SSBP3: variants seen among roughly 807,000 people sequenced by gnomAD.
The protein encoded by SSBP3 is single-stranded DNA-binding protein 3.
A neutral mutation model predicts 69.6 loss-of-function variants in SSBP3; 5 were observed. The observed-to-expected ratio is 0.07, with a 90% CI of 0.04 to 0.15. SSBP3 has a LOEUF of 0.15. SSBP3 is among the 10% of genes least tolerant of loss of function. SSBP3 has a pLI of 1.00. For synonymous variants in SSBP3, 196 were observed against 193.4 expected (o/e 1.01, Z -0.11); for missense variants, 312 against 534.0 (o/e 0.58, Z 4.10).
intron 3 of SSBP3, 73 bp downstream of exon 3, chr1:54,404,503 C>T: frequency 6.4e-7 from 1 of 1,574,314 alleles, no homozygotes; most frequent in Non-Finnish European, 8.7e-7. Flanking sequence ...CTCCAAGCCT[C>T]CCTTCTTTGT....
At chr1:54,287,360 TG>T (rs1211473582) in intron 4 of SSBP3, 1 of 152,272 alleles carries the variant, frequency 6.6e-6, no homozygotes, top group African/African-American at 2.4e-5. Context: ...GAACCGCATG[TG>T]CAGACGACTT....
chr1:54,233,043 C>G (rs1168003827), intron 14 of SSBP3, among the ~76,000 whole-genome samples: 1 of 151,346 alleles, frequency 6.6e-6, no homozygotes, highest in African/African-American at 2.4e-5. Flanking sequence ...GGCCACCCAT[C>G]GTCTGGGATG....
At chr1:54,396,903 G>A (rs1008152995) in intron 4 of SSBP3, among the ~76,000 whole-genome samples, 2 of 152,126 alleles carry the variant, frequency 1.3e-5, no homozygotes, top group African/African-American at 4.8e-5. Flanking sequence ...GCACTGCTCG[G>A]GTGCTGGCAA....
In SSBP3 at chr1:54,344,756, A is replaced by C. The variant is rs760334532; in HGVS notation, c.276+57105T>G. On this transcript the variant is annotated intron_variant, in intron 4 of 17. Transcript: ENST00000610401. ...CTCAGGTTGGGTGGTTCACACTTGT[A>C]ATCCCAATGCTTTGGGAGGCCAAAG... 1.1e-4 allele frequency among the ~76,000 whole-genome samples: 17 copies of C among 152,336 alleles called. No individual in the cohort carries two copies. The South Asian group carries it at 3.1e-3, about 28-fold the overall frequency.
intron 4 of SSBP3, among the ~76,000 whole-genome samples, chr1:54,284,957 G>A (rs192513372): frequency 5.1e-4 from 77 of 152,220 alleles, no homozygotes; most frequent in African/African-American, 1.7e-3. Flanking sequence ...GTAAATGCAC[G>A]GTGTAATTCT....
chr1:54,262,561 G>A (rs1164395413), intron 5 of SSBP3, among the ~76,000 whole-genome samples: 1 of 152,158 alleles, frequency 6.6e-6, no homozygotes, highest in Non-Finnish European at 1.5e-5. Context: ...CTGAGGAGCT[G>A]CCAGGCTAAG....
intron 5 of SSBP3, among the ~76,000 whole-genome samples, chr1:54,263,062 G>A (rs1472813135): frequency 6.6e-6 from 1 of 152,212 alleles, no homozygotes; most frequent in East Asian, 1.9e-4. Context: ...AGCAGCTCCT[G>A]AGAGCCACTT....
At chr1:54,388,814 T>A (rs938452627) in intron 4 of SSBP3, among the ~76,000 whole-genome samples, 1 of 152,196 alleles carries the variant, frequency 6.6e-6, no homozygotes, top group Non-Finnish European at 1.5e-5. Flanking sequence ...CAGGGGTGGA[T>A]GGGCCTAAAG....
intron 4 of SSBP3, among the ~76,000 whole-genome samples, chr1:54,361,989 T>C (rs958506316): frequency 6.6e-6 from 1 of 152,172 alleles, no homozygotes; most frequent in African/African-American, 2.4e-5. Context: ...ATTTTAAAAG[T>C]TCAGGAAGGA....
At chr1:54,381,603 G>A (rs534509783) in intron 4 of SSBP3, among the ~76,000 whole-genome samples, 19 of 152,042 alleles carry the variant, frequency 1.2e-4, no homozygotes, top group Non-Finnish European at 2.9e-5. Flanking sequence ...CCCCCACCTC[G>A]GTGGGGCACC....
intron 4 of SSBP3, among the ~76,000 whole-genome samples, chr1:54,345,125 G>A (rs756376157): frequency 2.6e-5 from 4 of 152,118 alleles, no homozygotes; most frequent in East Asian, 1.9e-4. Flanking sequence ...AAGAGTTCTC[G>A]TGCGTGGCCA....
intron 4 of SSBP3, among the ~76,000 whole-genome samples, chr1:54,370,923 T>C (rs1392069396): frequency 1.3e-5 from 2 of 151,972 alleles, no homozygotes; most frequent in African/African-American, 4.8e-5. Context: ...TTTGGTGTTC[T>C]TCCTGATGTT....
At chr1:54,406,027 C>T (rs907688222) in exon 1 of SSBP3, 2 of 1,439,436 alleles carry the variant, frequency 1.4e-6, no homozygotes, top group South Asian at 1.3e-5. Flanking sequence ...GGGAAGAGGG[C>T]GCCGAGCCTC....
rs1055010929 is a variant in SSBP3 at position 54,290,204 on chromosome 1, C to T, written c.277-8677G>A. On this transcript the variant is annotated intron_variant, in intron 4 of 17. Coordinates refer to ENST00000610401, the Ensembl canonical transcript of SSBP3. The stretch of plus-strand genomic sequence containing the variant: ...GTCAGGGCCCAGTCCTTCCATTCAC[C>T]AGGGGCCAAGTCCTCAGGCACCTCA... Among the ~76,000 whole-genome samples the T allele has an allele frequency of 2.0e-5, 3 of 152,276 alleles. No individual in the cohort carries two copies. The South Asian group carries it at 6.2e-4, about 32-fold the overall frequency.
chr1:54,345,986 C>CAAAAAAAAAA, intron 4 of SSBP3, among the ~76,000 whole-genome samples: 1 of 134,410 alleles, frequency 7.4e-6, no homozygotes, highest in Admixed American at 7.3e-5. Flanking sequence ...CACAAAAATA[C>CAAAAAAAAAA]AAAAAAAAAA....
At chr1:54,233,517 G>T (rs1188458954) in intron 14 of SSBP3, among the ~76,000 whole-genome samples, 1 of 148,368 alleles carries the variant, frequency 6.7e-6, no homozygotes, top group Non-Finnish European at 1.5e-5. Context: ...CCGGCCAGCC[G>T]CCCCGTCCGG....
chr1:54,405,933 A>G lies in SSBP3; in HGVS notation c.56+20T>C, dbSNP rs1219883477. 10 of 1,200,232 alleles carry G rather than the reference A, an allele frequency of 8.3e-6. No homozygotes were observed. The highest frequency in any genetic ancestry group is 1.7e-5 in the South Asian group (1 of 59,104). 74.3% of individuals were successfully genotyped at this position (1,200,232 alleles called of 1,614,324 possible). On this transcript the variant is annotated intron_variant, in intron 1 of 17. Transcript: ENST00000610401. The stretch of plus-strand genomic sequence containing the variant: ...GCAGCCCGGCGGCGGCGCGGCCGCC[A>G]CTTGCAAAATAGGGCTTACTTTTCC...
At chr1:54,277,765 T>G (rs1645316827) in intron 5 of SSBP3, among the ~76,000 whole-genome samples, 1 of 152,200 alleles carries the variant, frequency 6.6e-6, no homozygotes, top group Admixed American at 6.5e-5. Flanking sequence ...AAATCCTTAC[T>G]GGACAGTGCC....
Position 54,228,224 on chromosome 1 carries a change from ACGAGAGCAACAGGCAGGGGG to A in SSBP3, c.1137+11_1137+30del, listed in dbSNP as rs1376157115. 2 of 1,597,142 alleles carry A rather than the reference ACGAGAGCAACAGGCAGGGGG, an allele frequency of 1.3e-6. No homozygotes were observed. Among genetic ancestry groups the A allele is most frequent in the Non-Finnish European group, 1.7e-6 (2 of 1,165,502 alleles). ...AGGAAAGAGTCCCCAGGCCGTGGGG[ACGAGAGCAACAGGCAGGGGG>A]CGAGGCTTACATTGTCGTTCTGAAA... On this transcript the variant is annotated intron_variant, in intron 17 of 17. Transcript: ENST00000610401.
Sources: gnomAD v4.1 joint callset for allele counts (sites outside exome capture counted in the v4.1 genomes callset) on GRCh38, gnomAD v4.1.1 for gene constraint, MANE v1.5 for transcripts, NCBI Gene and HGNC (gene_info 2026-07-23, HGNC 2026-07-21) for gene names.